Variants in YAP1 observed in about 807,000 individuals in gnomAD.
YAP1 encodes transcriptional coactivator YAP1.
A neutral mutation model predicts 56.9 loss-of-function variants in YAP1; 5 were observed. The ratio of observed to expected loss-of-function variants is 0.09; its 90% CI spans 0.05 to 0.18. YAP1 has a LOEUF of 0.18. YAP1 is among the 10% of genes least tolerant of loss of function. YAP1 has a pLI of 1.00. For synonymous variants in YAP1, 265 were observed against 248.1 expected (o/e 1.07, Z -0.64); for missense variants, 539 against 651.8 (o/e 0.83, Z 1.88).
intron 2 of YAP1, among the ~76,000 whole-genome samples, chr11:102,118,899 G>C (rs1943474773): frequency 6.6e-6 from 1 of 151,908 alleles, no homozygotes; most frequent in East Asian, 2.0e-4. Context: ...GAAGAATAAG[G>C]CTATACTGTT....
At chr11:102,138,864 A>C (rs1457669228) in intron 2 of YAP1, among the ~76,000 whole-genome samples, 2 of 152,134 alleles carry the variant, frequency 1.3e-5, no homozygotes, top group Non-Finnish European at 2.9e-5. Flanking sequence ...TGGCTTTAGG[A>C]TGATTGTTAT....
chr11:102,174,237 A>T (rs1453128367), intron 3 of YAP1, among the ~76,000 whole-genome samples: 1 of 152,170 alleles, frequency 6.6e-6, no homozygotes, highest in Admixed American at 6.5e-5. Flanking sequence ...GAGTGGTTCC[A>T]TCATTTCATG....
intron 2 of YAP1, among the ~76,000 whole-genome samples, chr11:102,125,219 A>G (rs1319362870): frequency 6.6e-6 from 1 of 150,678 alleles, no homozygotes; most frequent in Non-Finnish European, 1.5e-5. Flanking sequence ...ACAGGGTTTT[A>G]CCATGTTGCC....
At chr11:102,137,748 CTTTTT>C (rs5794157) in intron 2 of YAP1, among the ~76,000 whole-genome samples, 3 of 140,000 alleles carry the variant, frequency 2.1e-5, no homozygotes, top group East Asian at 4.1e-4. Flanking sequence ...GAGTCATTGA[CTTTTT>C]TTTTTTTTTT....
At chr11:102,215,092 AG>A (rs1458383661) in intron 6 of YAP1, among the ~76,000 whole-genome samples, 1 of 152,244 alleles carries the variant, frequency 6.6e-6, no homozygotes, top group African/African-American at 2.4e-5. Flanking sequence ...TAATGACTTT[AG>A]AAATAATAAA....
At chr11:102,195,588 G>A (rs116396723) in intron 4 of YAP1, among the ~76,000 whole-genome samples, 1,981 of 152,210 alleles carry the variant, frequency 0.013, 40 homozygotes, top group African/African-American at 0.044. Context: ...CTCCCATCCT[G>A]TTCTCAGATA....
chr11:102,220,412 C>CT (rs879477929), intron 6 of YAP1, among the ~76,000 whole-genome samples: 3 of 151,938 alleles, frequency 2.0e-5, no homozygotes, highest in Non-Finnish European at 4.4e-5. Flanking sequence ...TATGTGATTT[C>CT]TTTTTTTTCT....
At chr11:102,218,148 A>G (rs1449359362) in intron 6 of YAP1, among the ~76,000 whole-genome samples, 1 of 152,244 alleles carries the variant, frequency 6.6e-6, no homozygotes, top group Admixed American at 6.5e-5. Flanking sequence ...ATCACCTGTA[A>G]CTAAAAGTTT....
At chr11:102,144,457 T>C (rs539026530) in intron 2 of YAP1, among the ~76,000 whole-genome samples, 1 of 152,342 alleles carries the variant, frequency 6.6e-6, no homozygotes, top group African/African-American at 2.4e-5. Context: ...ATGTGGCTTA[T>C]TGATTTTTCT....
chr11:102,146,112 C>A (rs562113683), intron 2 of YAP1, among the ~76,000 whole-genome samples: 2 of 152,178 alleles, frequency 1.3e-5, no homozygotes, highest in African/African-American at 4.8e-5. Flanking sequence ...AGTCATAGAA[C>A]GATGACCTAC....
chr11:102,213,220 C>T (rs1265528955), intron 6 of YAP1, among the ~76,000 whole-genome samples: 3 of 152,180 alleles, frequency 2.0e-5, no homozygotes, highest in African/African-American at 7.2e-5. Flanking sequence ...GGCGGTGGCT[C>T]ACGCTTGTAA....
chr11:102,118,002 ATC>A (rs972794958), intron 2 of YAP1, among the ~76,000 whole-genome samples: 16 of 152,244 alleles, frequency 1.1e-4, no homozygotes, highest in Middle Eastern at 3.4e-3. Context: ...ATTCTATAAT[ATC>A]TCTGGTTTCA....
chr11:102,183,899 A>G (rs1181822980), intron 3 of YAP1, among the ~76,000 whole-genome samples: 1 of 151,294 alleles, frequency 6.6e-6, no homozygotes, highest in Non-Finnish European at 1.5e-5. Context: ...AAATGGTGAA[A>G]CCCCGTCTCT....
At chr11:102,169,784 G>T (rs1275349132) in intron 3 of YAP1, among the ~76,000 whole-genome samples, 2 of 152,006 alleles carry the variant, frequency 1.3e-5, no homozygotes, top group African/African-American at 4.8e-5. Context: ...AAGAAGCTTG[G>T]TTTGTTTTAT....
intron 2 of YAP1, among the ~76,000 whole-genome samples, chr11:102,145,174 G>T (rs1023337490): frequency 6.6e-5 from 10 of 152,136 alleles, no homozygotes; most frequent in African/African-American, 2.4e-4. Context: ...TGATCCAGAG[G>T]CCAGGACTGT....
intron 3 of YAP1, among the ~76,000 whole-genome samples, chr11:102,167,766 G>T (rs910910967): frequency 6.6e-6 from 1 of 152,060 alleles, no homozygotes; most frequent in Non-Finnish European, 1.5e-5. Context: ...GGCTGGGTGT[G>T]GTCGTTCATG....
At chr11:102,184,690 T>G (rs768010090) in intron 3 of YAP1, among the ~76,000 whole-genome samples, 2 of 152,218 alleles carry the variant, frequency 1.3e-5, no homozygotes, top group Non-Finnish European at 1.5e-5. Context: ...CCAAAGTTAC[T>G]TATTCAGCAT....
At chr11:102,212,696 C>T (rs891765496) in intron 6 of YAP1, among the ~76,000 whole-genome samples, 2 of 152,098 alleles carry the variant, frequency 1.3e-5, no homozygotes, top group African/African-American at 2.4e-5. Context: ...ATGATTCTGC[C>T]TCAGCCTCCC....
chr11:102,205,006 TCTTA>T (rs1565266510), intron 4 of YAP1, among the ~76,000 whole-genome samples: 5 of 152,168 alleles, frequency 3.3e-5, no homozygotes, highest in African/African-American at 9.7e-5. Flanking sequence ...GGTTTATTAT[TCTTA>T]CTAACATTTT....
Sources: gnomAD v4.1 joint callset for allele counts (sites outside exome capture counted in the v4.1 genomes callset) on GRCh38, gnomAD v4.1.1 for gene constraint, MANE v1.5 for transcripts, NCBI Gene and HGNC (gene_info 2026-07-23, HGNC 2026-07-21) for gene names.